Variants in CNTNAP2 observed in about 807,000 individuals in gnomAD.
The protein encoded by CNTNAP2 is contactin-associated protein-like 2.
Under a neutral mutation model 155.2 loss-of-function variants are expected in CNTNAP2, and 98 were observed. The ratio of observed to expected loss-of-function variants is 0.63; its 90% CI spans 0.54 to 0.75. The LOEUF (loss-of-function observed/expected upper bound fraction) is 0.75. Ranked by LOEUF, CNTNAP2 falls within the 30% of genes least tolerant of loss-of-function variation. CNTNAP2 has a pLI of 0.00. For missense variants in CNTNAP2, 1,727 were observed against 1,688.1 expected (o/e 1.02, Z -0.40); for synonymous variants, 651 against 631.2 (o/e 1.03, Z -0.47).
At chr7:147,484,409 GT>G (rs143344479) in intron 10 of CNTNAP2, among the ~76,000 whole-genome samples, 21,172 of 152,000 alleles carry the variant, frequency 0.14, 1,624 homozygotes, top group East Asian at 0.29. Flanking sequence ...GTGAAATCCC[GT>G]AGTACTTTAT....
intron 1 of CNTNAP2, among the ~76,000 whole-genome samples, chr7:146,614,224 A>G (rs1401212671): frequency 6.6e-6 from 1 of 152,226 alleles, no homozygotes; most frequent in Non-Finnish European, 1.5e-5. Context: ...GCTCACGTGT[A>G]CAAAAGGGAA....
chr7:147,657,855 G>A (rs926303709), intron 13 of CNTNAP2, among the ~76,000 whole-genome samples: 6 of 152,194 alleles, frequency 3.9e-5, no homozygotes, highest in African/African-American at 1.4e-4. Flanking sequence ...ATATTTGCCT[G>A]AGTATCGGGT....
intron 19 of CNTNAP2, 108 bp from the exon 20 acceptor site, chr7:148,229,538 G>T: frequency 1.4e-6 from 2 of 1,417,024 alleles, no homozygotes; most frequent in Middle Eastern, 1.8e-4. Context: ...AGAAAGAAAA[G>T]AAAAGAAAGG....
chr7:148,358,230 T>C (rs1327374017), intron 21 of CNTNAP2, among the ~76,000 whole-genome samples: 1 of 152,132 alleles, frequency 6.6e-6, no homozygotes, highest in East Asian at 1.9e-4. Flanking sequence ...TTGTTCATCA[T>C]TTCGAGGCGC....
intron 8 of CNTNAP2, among the ~76,000 whole-genome samples, chr7:147,193,613 TG>T (rs975926673): frequency 3.3e-5 from 5 of 152,106 alleles, no homozygotes; most frequent in Non-Finnish European, 5.9e-5. Context: ...GTACATAACC[TG>T]GGATGGGGAG....
chr7:146,529,741 C>T (rs903715246), intron 1 of CNTNAP2, among the ~76,000 whole-genome samples: 4 of 151,904 alleles, frequency 2.6e-5, no homozygotes, highest in African/African-American at 9.7e-5. Flanking sequence ...CTGAGGCGGG[C>T]AGTTCACGAG....
chr7:147,119,557 T>A (rs906483969), intron 5 of CNTNAP2, among the ~76,000 whole-genome samples: 3 of 152,200 alleles, frequency 2.0e-5, no homozygotes, highest in Non-Finnish European at 4.4e-5. Flanking sequence ...CTCTTCCTCC[T>A]CTTGTCCCTC....
At chr7:146,683,285 G>C (rs1472883601) in intron 1 of CNTNAP2, among the ~76,000 whole-genome samples, 2 of 151,966 alleles carry the variant, frequency 1.3e-5, no homozygotes, top group Admixed American at 1.3e-4. Context: ...TGCCTGCCTC[G>C]GTCTCCCAAA....
chr7:147,562,474 C>A (rs963403571), intron 12 of CNTNAP2, among the ~76,000 whole-genome samples: 1 of 151,946 alleles, frequency 6.6e-6, no homozygotes, highest in African/African-American at 2.4e-5. Flanking sequence ...TTGATGTGAA[C>A]AATTAAGCAT....
chr7:147,287,891 C>A (rs1805217092), intron 8 of CNTNAP2, among the ~76,000 whole-genome samples: 1 of 152,120 alleles, frequency 6.6e-6, no homozygotes, highest in Admixed American at 6.6e-5. Flanking sequence ...CCAGTGCTAA[C>A]CTCCGTCCAA....
intron 2 of CNTNAP2, among the ~76,000 whole-genome samples, chr7:146,806,026 T>C (rs370191428): frequency 1.3e-5 from 2 of 152,164 alleles, no homozygotes; most frequent in East Asian, 3.9e-4. Context: ...AGCATGCCAT[T>C]GTAAATTAGG....
intron 1 of CNTNAP2, among the ~76,000 whole-genome samples, chr7:146,570,381 C>G (rs1356979429): frequency 6.6e-6 from 1 of 152,092 alleles, no homozygotes; most frequent in Non-Finnish European, 1.5e-5. Context: ...TTTGGGGATG[C>G]TTGTGCGGAG....
At chr7:147,015,421 G>A (rs367550484) in intron 3 of CNTNAP2, among the ~76,000 whole-genome samples, 1 of 151,952 alleles carries the variant, frequency 6.6e-6, no homozygotes, top group Non-Finnish European at 1.5e-5. Flanking sequence ...TAACATGCTG[G>A]CATCATCCAA....
At chr7:147,861,999 CAAAAA>C (rs57139075) in intron 13 of CNTNAP2, among the ~76,000 whole-genome samples, 13,143 of 95,044 alleles carry the variant, frequency 0.14, 644 homozygotes, top group African/African-American at 0.25. Context: ...CTCCATCTCA[CAAAAA>C]AAAAAAAAAA....
At chr7:147,766,430 G>A (rs954952771) in intron 13 of CNTNAP2, among the ~76,000 whole-genome samples, 4 of 151,994 alleles carry the variant, frequency 2.6e-5, no homozygotes, top group African/African-American at 9.7e-5. Context: ...GAGTAATAAC[G>A]GTGTAGGTGA....
chr7:146,797,318 G>A (rs1802788963), intron 2 of CNTNAP2, among the ~76,000 whole-genome samples: 2 of 152,110 alleles, frequency 1.3e-5, no homozygotes, highest in African/African-American at 2.4e-5. Context: ...AAATAACAAG[G>A]GAAAAGGTGT....
intron 15 of CNTNAP2, among the ~76,000 whole-genome samples, chr7:148,042,122 A>G (rs1341577073): frequency 6.6e-6 from 1 of 152,146 alleles, no homozygotes; most frequent in African/African-American, 2.4e-5. Context: ...TTCTTTTACA[A>G]TTGTGATTAA....
chr7:147,705,408 G>T (rs1463789005), intron 13 of CNTNAP2, among the ~76,000 whole-genome samples: 1 of 152,074 alleles, frequency 6.6e-6, no homozygotes, highest in Non-Finnish European at 1.5e-5. Context: ...TGTGATCTGA[G>T]AAGATACTTG....
chr7:147,027,366 C>G (rs1338967827), intron 3 of CNTNAP2, among the ~76,000 whole-genome samples: 1 of 152,202 alleles, frequency 6.6e-6, no homozygotes, highest in Non-Finnish European at 1.5e-5. Context: ...CTACTTAACT[C>G]AAATTCTAAA....
Sources: allele counts gnomAD v4.1 joint callset (sites outside exome capture counted in the v4.1 genomes callset), GRCh38; gene constraint gnomAD v4.1.1; transcripts MANE v1.5; gene names NCBI Gene and HGNC (gene_info 2026-07-23, HGNC 2026-07-21).